CCNI: variants seen among roughly 807,000 people sequenced by gnomAD.
The protein encoded by CCNI is cyclin-I.
In CCNI, 14 loss-of-function variants were observed where a neutral mutation model predicts 34.1. That is an observed-to-expected ratio of 0.41 (90% CI 0.27 to 0.64). The LOEUF (loss-of-function observed/expected upper bound fraction) is 0.64. Among genes scored for constraint, CCNI ranks in the 30% least tolerant of loss-of-function variants. The pLI is 0.31. For missense variants in CCNI, 385 were observed against 440.5 expected (o/e 0.87, Z 1.13); for synonymous variants, 154 against 158.4 (o/e 0.97, Z 0.21).
chr4:77,069,662 T>C (rs1005491922), intron 1 of CCNI, among the ~76,000 whole-genome samples: 3 of 143,760 alleles, frequency 2.1e-5, no homozygotes, highest in Non-Finnish European at 4.5e-5. Context: ...ATTTTTTTTA[T>C]TACTCACTGT....
Position 77,067,790 on chromosome 4 carries a change from TAAAAAAAAAAAAAA to T in CCNI, c.-43-1399_-43-1386del, listed in dbSNP as rs375815113. On this transcript the variant is annotated intron_variant, in intron 1 of 6. Coordinates refer to ENST00000237654, the MANE Select transcript of CCNI (RefSeq NM_006835.3). ...GAGCCACCGTGCAGGCTTCTAGGTT[TAAAAAAAAAAAAAA>T]AAAAAAAAAAAAAAAGAAGCAAACT... Among the ~76,000 whole-genome samples, 65 of 98,694 alleles carry T rather than the reference TAAAAAAAAAAAAAA, an allele frequency of 6.6e-4. 1 individual carries two copies. Among genetic ancestry groups the T allele is most frequent in the Non-Finnish European group, 7.9e-4 (40 of 50,680 alleles). The allele number at this position is 98,694 out of a possible 152,430, so 64.7% of individuals were successfully genotyped here.
intron 1 of CCNI, among the ~76,000 whole-genome samples, chr4:77,067,111 A>G (rs2109836213): frequency 6.6e-6 from 1 of 152,234 alleles, no homozygotes; most frequent in East Asian, 1.9e-4. Context: ...GGGCGCCTGT[A>G]ATCCCAGCTA....
Position 77,067,000 on chromosome 4 carries a change from G to A in CCNI, c.-43-595C>T, listed in dbSNP as rs562329605. Among the ~76,000 whole-genome samples, 3 of 152,260 alleles carry A rather than the reference G, an allele frequency of 2.0e-5. No homozygotes were observed. The East Asian group carries it at 5.8e-4, about 29-fold the overall frequency. ...TGTAATCCCATCACTTTGGGAGGCC[G>A]AGGCGGGTGGATCACTAGGTCAGGA... On this transcript the variant is annotated intron_variant, in intron 1 of 6. Coordinates refer to ENST00000237654, the MANE Select transcript of CCNI (RefSeq NM_006835.3).
In CCNI at chr4:77,075,480, C is replaced by A; in HGVS notation, c.-52G>T. 2.1e-6 allele frequency: 2 copies of A among 932,262 alleles called. No homozygotes were observed. Among genetic ancestry groups the A allele is most frequent in the Non-Finnish European group, 2.6e-6 (2 of 781,386 alleles). The allele number at this position is 932,262 out of a possible 1,614,324, so 57.7% of individuals were successfully genotyped here. On this transcript the variant is annotated 5_prime_UTR_variant, in exon 1 of 7. The change creates a premature stop within an existing upstream ORF in the 5' untranslated region. Coordinates refer to ENST00000237654, the MANE Select transcript of CCNI (RefSeq NM_006835.3). Reference sequence around the variant, plus strand: ...CCGCCCCCGCCCCTCACCTTCTCCTCCTCTTCCTCCTCCTCCTCCTCCCCG... The same window carrying A: ...CCGCCCCCGCCCCTCACCTTCTCCTACTCTTCCTCCTCCTCCTCCTCCCCG...
Position 77,056,323 on chromosome 4 carries a change from C to T in CCNI, c.244G>A (p.Ala82Thr). The change falls in exon 4 of 7, where the codon GCT becomes ACT. Residue 82 changes from alanine to threonine, a missense_variant and splice_region_variant. Coordinates refer to ENST00000237654, the MANE Select transcript of CCNI (RefSeq NM_006835.3). ...ATACAACTCAAGTATTTTGGATGAG[C>T]CTAAAATTTTGAAGAGGGAAAAAGC... ...LLDRFLATVK[A>T]HPKYLSCIAI... The T allele has an allele frequency of 1.2e-6, 2 of 1,611,668 alleles. No homozygotes were observed. Among genetic ancestry groups the T allele is most frequent in the Non-Finnish European group, 1.7e-6 (2 of 1,178,200 alleles).
At chr4:77,070,976 A>C (rs930156334) in intron 1 of CCNI, among the ~76,000 whole-genome samples, 2 of 152,218 alleles carry the variant, frequency 1.3e-5, no homozygotes, top group African/African-American at 4.8e-5. Flanking sequence ...AAAAACCTTA[A>C]AACTTTAATA....
chr4:77,050,724 T>C (rs1727767757), intron 6 of CCNI, among the ~76,000 whole-genome samples: 1 of 152,110 alleles, frequency 6.6e-6, no homozygotes, highest in Admixed American at 6.5e-5. Flanking sequence ...CAAGCTTACA[T>C]TTAGGCTAGG....
At chr4:77,054,903 A>G (rs979380737) in intron 6 of CCNI, among the ~76,000 whole-genome samples, 1 of 152,224 alleles carries the variant, frequency 6.6e-6, no homozygotes, top group Non-Finnish European at 1.5e-5. Flanking sequence ...TGACAATCTT[A>G]TGAACATTTT....
rs4252925 is a variant in CCNI at position 77,051,896 on chromosome 4, T to A, written c.691-3234A>T. Among the ~76,000 whole-genome samples the A allele has an allele frequency of 9.3e-3, 1,419 of 151,820 alleles. 21 individuals are homozygous for A. The highest frequency in any genetic ancestry group is 0.032 in the African/African-American group (1,328 of 41,428). ...CACTGAGGAACCTGCTGGAATAGTC[T>A]GACCACAGCCACCTTCAAAAAGAAC... On this transcript the variant is annotated intron_variant, in intron 6 of 6. Coordinates refer to ENST00000237654, the MANE Select transcript of CCNI (RefSeq NM_006835.3).
chr4:77,065,568 G>T (rs938635208), intron 2 of CCNI, among the ~76,000 whole-genome samples: 1 of 152,200 alleles, frequency 6.6e-6, no homozygotes, highest in Admixed American at 6.5e-5. Context: ...CGCTAATGAT[G>T]AAAGAGTAGG....
At chr4:77,064,114 T>C (rs1578248040) in intron 2 of CCNI, among the ~76,000 whole-genome samples, 1 of 151,758 alleles carries the variant, frequency 6.6e-6, no homozygotes, top group East Asian at 1.9e-4. Flanking sequence ...TGGTGGCGGG[T>C]GCCTGTTAAT....
chr4:77,068,528 A>G (rs956818384), intron 1 of CCNI, among the ~76,000 whole-genome samples: 3 of 152,202 alleles, frequency 2.0e-5, no homozygotes, highest in Non-Finnish European at 2.9e-5. Flanking sequence ...GACAAGGAGG[A>G]AAGAGTTGGG....
rs752637545 is a variant in CCNI, at chr4:77,048,556, T to C, written c.797A>G (p.Lys266Arg). The part of the protein sequence containing the change: ...LNSVYVYRPL[K>R]HTLVTCDKGV... ...TTTGTCACAGGTCACCAGGGTGTGC[T>C]TGAGGGGACGGTAGACATAAACGGA... The change falls in exon 7 of 7, where the codon AAG becomes AGG. Residue 266 changes from lysine to arginine, a missense_variant. Transcript: ENST00000237654. 5.6e-6 allele frequency: 9 copies of C among 1,613,532 alleles called. No homozygotes were observed. The highest frequency in any genetic ancestry group is 7.6e-6 in the Non-Finnish European group (9 of 1,179,596).
chr4:77,075,441 T>TCGAGCCCCCGCC (rs1729847902), intron 1 of CCNI, 31 bp downstream of exon 1: 1 of 861,762 alleles, frequency 1.2e-6, no homozygotes, highest in Admixed American at 6.3e-5. Flanking sequence ...CGGAGACGCG[T>TCGAGCCCCCGCC]CGAGCCCCCG....
rs4252951 is a variant in CCNI, at chr4:77,047,913, C to T, written c.*306G>A. On this transcript the variant is annotated 3_prime_UTR_variant, in exon 7 of 7. Transcript: ENST00000237654. The stretch of plus-strand genomic sequence containing the variant: ...CCATGAATTTTAATTGAATTTTTGA[C>T]GGGGCAAGCTACGTTACATTATGGC... 7.0e-5 allele frequency: 15 copies of T among 212,846 alleles called. No homozygotes were observed. The East Asian group carries it at 1.1e-3, about 15-fold the overall frequency. The allele number at this position is 212,846 out of a possible 1,614,324, so 13.2% of individuals were successfully genotyped here.
Position 77,062,164 on chromosome 4 carries a change from A to G in CCNI, c.115-3529T>C, listed in dbSNP as rs539348041. ...CCTTATTATGTATCTCTTGAGAGCT[A>G]TTTTGATGTTACTCCCCGCCAGATA... On this transcript the variant is annotated intron_variant, in intron 2 of 6. Transcript: ENST00000237654. Among the ~76,000 whole-genome samples the G allele has an allele frequency of 5.4e-4, 82 of 152,234 alleles. 1 individual carries two copies. The highest frequency in any genetic ancestry group is 6.5e-4 in the Admixed American group (10 of 15,276).
chr4:77,064,583 GCGCACACACACACACACA>G (rs1478134487), intron 2 of CCNI: 15 of 105,764 alleles, frequency 1.4e-4, no homozygotes, highest in African/African-American at 5.6e-4. Flanking sequence ...ATGCGCGCGC[GCGCACACACACACACACA>G]CACACACACA....
chr4:77,075,082 C>T (rs1729799646), intron 1 of CCNI: 1 of 151,878 alleles, frequency 6.6e-6, no homozygotes, highest in African/African-American at 2.4e-5. Flanking sequence ...CCTGGTGTCC[C>T]CGGAGAATCG....
intron 6 of CCNI, 84 bp downstream of exon 6, chr4:77,055,066 A>G: frequency 2.4e-6 from 2 of 837,934 alleles, no homozygotes; most frequent in Non-Finnish European, 3.8e-6. Flanking sequence ...ACAACATGAG[A>G]AATGTCTTTT....
Sources: allele counts gnomAD v4.1 joint callset (sites outside exome capture counted in the v4.1 genomes callset), GRCh38; gene constraint gnomAD v4.1.1; transcripts MANE v1.5; gene names NCBI Gene and HGNC (gene_info 2026-07-23, HGNC 2026-07-21).